NLRP7: variants seen among roughly 807,000 people sequenced by gnomAD.
NLRP7 encodes NACHT, LRR and PYD domains-containing protein 7.
In NLRP7, 72 loss-of-function variants were observed where a neutral mutation model predicts 85.5. The observed-to-expected ratio is 0.84, with a 90% confidence interval of 0.70 to 1.02. The LOEUF (loss-of-function observed/expected upper bound fraction) is 1.02, where lower values mean the gene tolerates loss of function less well. Ranked by LOEUF, NLRP7 falls within the 50% of genes least tolerant of loss-of-function variation. The pLI is 0.00. For synonymous variants in NLRP7, 550 were observed against 505.2 expected (o/e 1.09, Z -1.19); for missense variants, 1,243 against 1,219.5 (o/e 1.02, Z -0.29).
At chr19:54,950,146 G>C (rs2069623081), upstream of NLRP7, among the ~76,000 whole-genome samples, 1 of 151,188 alleles carries the variant, frequency 6.6e-6, no homozygotes, top group Admixed American at 6.6e-5. Context: ...TTCCTGGTTG[G>C]TGAACCCGGG....
exon 4 of NLRP7, chr19:54,938,990 C>T (rs978385696): frequency 1.2e-6 from 2 of 1,614,226 alleles, no homozygotes; most frequent in Non-Finnish European, 8.5e-7. Flanking sequence ...ATGCTTCAGG[C>T]TGAAGGAACA....
At chr19:54,930,962 G>A (rs1419159730) in intron 8 of NLRP7, among the ~76,000 whole-genome samples, 1 of 152,022 alleles carries the variant, frequency 6.6e-6, no homozygotes. Flanking sequence ...GGCAGAGGCT[G>A]CAGTGAGCTG....
intron 1 of NLRP7, among the ~76,000 whole-genome samples, chr19:54,943,290 G>A (rs138130396): frequency 3.3e-5 from 5 of 151,650 alleles, no homozygotes; most frequent in Admixed American, 6.6e-5. Flanking sequence ...GTGACAGAGT[G>A]AGGCCCTGTC....
intron 8 of NLRP7, 79 bp from the exon 9 acceptor site, chr19:54,930,745 T>G: frequency 8.7e-7 from 1 of 1,147,984 alleles, no homozygotes; most frequent in Non-Finnish European, 1.3e-6. Context: ...CAACACTATA[T>G]ACCTTCCACT....
rs769299522 is a variant in NLRP7 at position 54,934,903 on chromosome 19, G to A, written c.2301-244C>T. 2.0e-5 allele frequency among the ~76,000 whole-genome samples: 3 copies of A among 152,012 alleles called. No individual in the cohort carries two copies. Among genetic ancestry groups the A allele is most frequent in the Admixed American group, 1.3e-4 (2 of 15,238 alleles). ...GTAGAGACGGGATTTCACCATGTTG[G>A]CCACACTGGTCTTGAACTCCTGACC... On this transcript the variant is annotated intron_variant, in intron 6 of 9. Transcript: ENST00000340844. The surrounding 1 kb of genome is among the most constrained non-coding windows in gnomAD (Gnocchi z 6.7).
At chr19:54,942,225 C>T (rs2069260947) in intron 1 of NLRP7, among the ~76,000 whole-genome samples, 1 of 128,594 alleles carries the variant, frequency 7.8e-6, no homozygotes, top group African/African-American at 3.0e-5. Context: ...CATTGCACTC[C>T]AGCCTGGGCG....
chr19:54,952,047 C>T (rs374469965), upstream of NLRP7, among the ~76,000 whole-genome samples: 2 of 152,090 alleles, frequency 1.3e-5, no homozygotes, highest in African/African-American at 4.8e-5. Flanking sequence ...CCACCGCGCC[C>T]GGCCCCATTA....
chr19:54,942,232 G>C (rs1414651416), intron 1 of NLRP7, among the ~76,000 whole-genome samples: 1 of 143,734 alleles, frequency 7.0e-6, no homozygotes, highest in Non-Finnish European at 1.5e-5. Flanking sequence ...CTCCAGCCTG[G>C]GCGACAGAGC....
chr19:54,945,949 C>G (rs2069451385), intron 1 of NLRP7, among the ~76,000 whole-genome samples: 1 of 151,980 alleles, frequency 6.6e-6, no homozygotes, highest in Non-Finnish European at 1.5e-5. Context: ...GCCACTATGC[C>G]CAGCTAATTT....
upstream of NLRP7, among the ~76,000 whole-genome samples, chr19:54,949,463 A>AAG (rs150203367): frequency 8.7e-5 from 13 of 149,926 alleles, no homozygotes; most frequent in African/African-American, 1.8e-4. Context: ...AGCTGACAAA[A>AAG]AGAGAGAGAG....
At chr19:54,962,340 T>G (rs895744254) in intron 1 of NLRP7, among the ~76,000 whole-genome samples, 1 of 143,858 alleles carries the variant, frequency 7.0e-6, no homozygotes, top group African/African-American at 2.5e-5. Context: ...CGATCTCAGC[T>G]CACTGCAACC....
At chr19:54,962,561 A>C (rs1389259849) in intron 1 of NLRP7, among the ~76,000 whole-genome samples, 5 of 150,794 alleles carry the variant, frequency 3.3e-5, no homozygotes, top group Non-Finnish European at 5.9e-5. Flanking sequence ...ATGAATCACC[A>C]CGCCCGGCCC....
At chr19:54,943,368 G>A (rs1236241139) in intron 1 of NLRP7, among the ~76,000 whole-genome samples, 2 of 152,096 alleles carry the variant, frequency 1.3e-5, no homozygotes, top group Admixed American at 6.6e-5. Flanking sequence ...TTGGGAGGCC[G>A]AGGCAGGCGG....
intron 9 of NLRP7, among the ~76,000 whole-genome samples, chr19:54,925,179 A>G (rs1016861161): frequency 2.6e-5 from 4 of 152,108 alleles, no homozygotes; most frequent in Non-Finnish European, 5.9e-5. Flanking sequence ...GGAGGAACTG[A>G]GGAATGAGAA....
intron 1 of NLRP7, among the ~76,000 whole-genome samples, chr19:54,954,528 C>CAAAAAAAA (rs35846819): frequency 2.1e-5 from 1 of 47,532 alleles, no homozygotes; most frequent in African/African-American, 7.7e-5. Context: ...GACTCCGTCT[C>CAAAAAAAA]AAAAAAAAAA....
intron 6 of NLRP7, 58 bp downstream of exon 6, chr19:54,936,203 C>T (rs1024055159): frequency 5.3e-6 from 8 of 1,499,104 alleles, no homozygotes; most frequent in African/African-American, 4.1e-5. Context: ...CTAGATCCCC[C>T]AGCAACACGG....
intron 1 of NLRP7, among the ~76,000 whole-genome samples, chr19:54,961,864 T>C (rs1452717910): frequency 1.3e-5 from 2 of 150,106 alleles, no homozygotes; most frequent in African/African-American, 4.9e-5. Flanking sequence ...GTGTCCATAT[T>C]AAGAAGGTAG....
At chr19:54,928,233 AT>A (rs2146156097) in intron 9 of NLRP7, among the ~76,000 whole-genome samples, 1 of 152,248 alleles carries the variant, frequency 6.6e-6, no homozygotes, top group South Asian at 2.1e-4. Context: ...AATATATAAC[AT>A]AAAATGAAAA....
upstream of NLRP7, among the ~76,000 whole-genome samples, chr19:54,948,166 C>G (rs1412316474): frequency 6.6e-6 from 1 of 152,122 alleles, no homozygotes; most frequent in East Asian, 1.9e-4. Flanking sequence ...GGTGGATCAC[C>G]TGAGGTCAGG....
Sources: gnomAD v4.1 joint callset for allele counts (sites outside exome capture counted in the v4.1 genomes callset) on GRCh38, gnomAD v4.1.1 for gene constraint, Gnocchi (gnomAD v3.1) non-coding constraint, MANE v1.5 for transcripts, NCBI Gene and HGNC (gene_info 2026-07-23, HGNC 2026-07-21) for gene names.